Variants in KCNN2 observed in about 807,000 individuals in gnomAD.
KCNN2 encodes the protein small conductance calcium-activated potassium channel protein 2.
KCNN2 carries 24 observed loss-of-function variants against 55.5 expected under a neutral mutation model. That is an observed-to-expected ratio of 0.43 (90% confidence interval 0.31 to 0.61). The LOEUF is 0.61. Ranked by LOEUF, KCNN2 falls within the 20% of genes least tolerant of loss-of-function variation. KCNN2 has a pLI of 0.08. For missense variants in KCNN2, 754 were observed against 853.6 expected (o/e 0.88, Z 1.45); for synonymous variants, 431 against 336.1 (o/e 1.28, Z -3.09).
At chr5:114,090,716 T>G (rs2112554596) in intron 1 of KCNN2, among the ~76,000 whole-genome samples, 1 of 152,284 alleles carries the variant, frequency 6.6e-6, no homozygotes, top group South Asian at 2.1e-4. Flanking sequence ...ACTTTATTAT[T>G]TTAATCCTCA....
chr5:114,486,773 T>C (rs1455603607), intron 5 of KCNN2: 36 of 1,287,548 alleles, frequency 2.8e-5, no homozygotes, highest in Middle Eastern at 4.2e-4. Context: ...AAAAAAAAAA[T>C]AGTTGAATAA....
intron 2 of KCNN2, among the ~76,000 whole-genome samples, chr5:114,276,920 G>A (rs190662373): frequency 4.6e-5 from 7 of 152,232 alleles, no homozygotes; most frequent in African/African-American, 1.7e-4. Context: ...GATGCAAACA[G>A]TTTCTTCATA....
intron 1 of KCNN2, among the ~76,000 whole-genome samples, chr5:114,083,180 G>A (rs1288403254): frequency 1.3e-5 from 2 of 151,616 alleles, no homozygotes; most frequent in African/African-American, 4.8e-5. Flanking sequence ...CTTCCTTTTT[G>A]TTCTTAGTCT....
chr5:114,288,415 C>T (rs1030737617), intron 2 of KCNN2, among the ~76,000 whole-genome samples: 12 of 151,478 alleles, frequency 7.9e-5, no homozygotes, highest in African/African-American at 2.2e-4. Context: ...AAACTGTTTT[C>T]CACAGACCAA....
chr5:114,293,977 C>T (rs1472203116), intron 2 of KCNN2, among the ~76,000 whole-genome samples: 6 of 152,072 alleles, frequency 3.9e-5, no homozygotes, highest in Non-Finnish European at 7.4e-5. Flanking sequence ...AGTTTATTTG[C>T]GTAGAGTTGT....
At chr5:114,082,652 T>C (rs1327935485) in intron 1 of KCNN2, among the ~76,000 whole-genome samples, 1 of 152,184 alleles carries the variant, frequency 6.6e-6, no homozygotes, top group Non-Finnish European at 1.5e-5. Flanking sequence ...TCACAATAGC[T>C]AAAATGAGGA....
chr5:114,118,433 T>C (rs931612290), intron 1 of KCNN2, among the ~76,000 whole-genome samples: 6 of 152,092 alleles, frequency 3.9e-5, no homozygotes, highest in African/African-American at 1.4e-4. Context: ...AGCCAGTTTG[T>C]GTAATTCAGT....
At chr5:114,309,242 C>G (rs1477457777) in intron 2 of KCNN2, among the ~76,000 whole-genome samples, 1 of 152,130 alleles carries the variant, frequency 6.6e-6, no homozygotes, top group Non-Finnish European at 1.5e-5. Context: ...AAAATTGGGA[C>G]AGTATTTTTC....
chr5:114,480,882 C>T (rs953820986), intron 5 of KCNN2, among the ~76,000 whole-genome samples: 2 of 152,030 alleles, frequency 1.3e-5, no homozygotes, highest in East Asian at 3.9e-4. Context: ...TAATAAGAGC[C>T]GTCTATGACA....
At chr5:114,252,714 G>T (rs1754893379) in intron 2 of KCNN2, among the ~76,000 whole-genome samples, 1 of 148,884 alleles carries the variant, frequency 6.7e-6, no homozygotes, top group African/African-American at 2.5e-5. Flanking sequence ...ATAATAACTT[G>T]ATAGCCAGGA....
intron 1 of KCNN2, among the ~76,000 whole-genome samples, chr5:114,202,567 G>A (rs6896466): frequency 0.48 from 44,704 of 93,058 alleles, 10,178 homozygotes; most frequent in East Asian, 0.72. Flanking sequence ...ATATGTGTGT[G>A]TATATATATA....
chr5:114,398,637 G>A (rs1399600596), intron 2 of KCNN2, among the ~76,000 whole-genome samples: 1 of 152,078 alleles, frequency 6.6e-6, no homozygotes, highest in African/African-American at 2.4e-5. Context: ...ATTGCTTTGG[G>A]CAGTATGGCC....
At chr5:114,090,590 T>TATATATACCAC (rs1231252486) in intron 1 of KCNN2, among the ~76,000 whole-genome samples, 1 of 137,284 alleles carries the variant, frequency 7.3e-6, no homozygotes, top group Non-Finnish European at 1.6e-5. Flanking sequence ...TATATATACA[T>TATATATACCAC]ATATATACCA....
At chr5:114,204,726 G>T (rs963082796) in intron 1 of KCNN2, among the ~76,000 whole-genome samples, 1 of 152,208 alleles carries the variant, frequency 6.6e-6, no homozygotes, top group Non-Finnish European at 1.5e-5. Flanking sequence ...TTATGGTGGA[G>T]CCTCTAAAAG....
At chr5:114,126,282 C>A (rs1580535998) in intron 1 of KCNN2, among the ~76,000 whole-genome samples, 1 of 152,116 alleles carries the variant, frequency 6.6e-6, no homozygotes, top group South Asian at 2.1e-4. Flanking sequence ...AATAAAGACA[C>A]ACTCAAGACT....
intron 1 of KCNN2, among the ~76,000 whole-genome samples, chr5:114,189,134 G>GTGTGTGTGTGTGTGTGTGTGTA (rs1315377509): frequency 3.5e-4 from 3 of 8,578 alleles, no homozygotes; most frequent in Non-Finnish European, 7.1e-4. Flanking sequence ...AGAACCAATA[G>GTGTGTGTGTGTGTGTGTGTGTA]TGTGTGTGTG....
intron 3 of KCNN2, among the ~76,000 whole-genome samples, chr5:114,405,913 T>C (rs1318724156): frequency 1.3e-5 from 2 of 151,914 alleles, no homozygotes; most frequent in Admixed American, 1.3e-4. Context: ...GGTTTCACCG[T>C]GTTAGCTGGG....
At chr5:114,394,467 G>T (rs1036237436) in intron 2 of KCNN2, among the ~76,000 whole-genome samples, 1 of 152,090 alleles carries the variant, frequency 6.6e-6, no homozygotes, top group African/African-American at 2.4e-5. Context: ...TTAGTTAATT[G>T]CAGAAAGCAA....
At chr5:114,144,679 G>T (rs1226531599) in intron 1 of KCNN2, among the ~76,000 whole-genome samples, 1 of 151,802 alleles carries the variant, frequency 6.6e-6, no homozygotes, top group Non-Finnish European at 1.5e-5. Context: ...TAATTATGTT[G>T]GTTTTTGAAC....
Sources: gnomAD v4.1 joint callset for allele counts (sites outside exome capture counted in the v4.1 genomes callset) on GRCh38, gnomAD v4.1.1 for gene constraint, MANE v1.5 for transcripts, NCBI Gene and HGNC (gene_info 2026-07-23, HGNC 2026-07-21) for gene names.